Variants in PPP1R12B observed in about 807,000 individuals in gnomAD.
PPP1R12B encodes the protein protein phosphatase 1 regulatory subunit 12B.
PPP1R12B carries 76 observed loss-of-function variants against 126.1 expected under a neutral mutation model. The observed-to-expected ratio is 0.60, with a 90% CI of 0.50 to 0.73. The LOEUF (loss-of-function observed/expected upper bound fraction) is 0.73. Among genes scored for constraint, PPP1R12B ranks in the 30% least tolerant of loss-of-function variants. The probability of loss-of-function intolerance (pLI) is 0.00; values close to 1 mark genes in which losing one functional copy is unlikely to be tolerated. For synonymous variants in PPP1R12B, 356 were observed against 434.7 expected (o/e 0.82, Z 2.25); for missense variants, 1,052 against 1,205.1 (o/e 0.87, Z 1.88).
chr1:202,378,748 G>A (rs1156425695), intron 1 of PPP1R12B, among the ~76,000 whole-genome samples: 1 of 152,142 alleles, frequency 6.6e-6, no homozygotes, highest in Non-Finnish European at 1.5e-5. Context: ...AAAGTGCTGG[G>A]ATTATAGGCA....
At chr1:202,497,855 G>A (rs1679755731) in intron 18 of PPP1R12B, among the ~76,000 whole-genome samples, 1 of 152,154 alleles carries the variant, frequency 6.6e-6, no homozygotes, top group Non-Finnish European at 1.5e-5. Context: ...CAAGGGGCTT[G>A]GAAAGGCTTT....
intron 13 of PPP1R12B, among the ~76,000 whole-genome samples, chr1:202,457,975 T>A (rs1486461283): frequency 6.6e-6 from 1 of 152,012 alleles, no homozygotes; most frequent in Admixed American, 6.5e-5. Flanking sequence ...GCTAAATGAA[T>A]TTGGGAACAA....
intron 13 of PPP1R12B, among the ~76,000 whole-genome samples, chr1:202,453,463 G>C (rs2148731532): frequency 6.6e-6 from 1 of 152,168 alleles, no homozygotes; most frequent in Admixed American, 6.5e-5. Context: ...CATCAGATAA[G>C]TTTGGAAGTA....
At chr1:202,475,627 G>A (rs910162519) in intron 13 of PPP1R12B, among the ~76,000 whole-genome samples, 7 of 152,120 alleles carry the variant, frequency 4.6e-5, no homozygotes, top group Admixed American at 1.3e-4. Flanking sequence ...GGTATATAAC[G>A]TTGTTACTTG....
At chr1:202,558,241 C>T (rs1687154616) in intron 18 of PPP1R12B, among the ~76,000 whole-genome samples, 1 of 151,350 alleles carries the variant, frequency 6.6e-6, no homozygotes, top group Non-Finnish European at 1.5e-5. Flanking sequence ...TTACAATGAC[C>T]AAGCTTACTG....
chr1:202,531,371 T>G (rs1255753667), intron 18 of PPP1R12B, among the ~76,000 whole-genome samples: 1 of 151,986 alleles, frequency 6.6e-6, no homozygotes, highest in East Asian at 1.9e-4. Context: ...TATGGAAGAG[T>G]AGGGCTTGAT....
chr1:202,352,898 G>GAAAAAT (rs1553260474), intron 1 of PPP1R12B, among the ~76,000 whole-genome samples: 4 of 143,950 alleles, frequency 2.8e-5, no homozygotes, highest in Non-Finnish European at 6.1e-5. Context: ...AAAAAAAAAA[G>GAAAAAT]AAAAAAGAAA....
At chr1:202,569,239 A>C (rs1407897799) in intron 23 of PPP1R12B, 42 bp downstream of exon 23, 1 of 1,574,706 alleles carries the variant, frequency 6.4e-7, no homozygotes, top group Non-Finnish European at 8.7e-7. Context: ...CTGTTCTCTG[A>C]ATGCCTGCCA....
intron 18 of PPP1R12B, among the ~76,000 whole-genome samples, chr1:202,531,550 A>T (rs74852889): frequency 0.014 from 2,188 of 152,298 alleles, 65 homozygotes; most frequent in African/African-American, 0.051. Flanking sequence ...GAAAAGTATC[A>T]GTTGAAAATA....
At chr1:202,362,382 T>A (rs17438212) in intron 1 of PPP1R12B, among the ~76,000 whole-genome samples, 2 of 152,172 alleles carry the variant, frequency 1.3e-5, no homozygotes, top group Non-Finnish European at 2.9e-5. Flanking sequence ...CCAGGATTCC[T>A]TCCATCTGTT....
chr1:202,514,980 A>C (rs1317462143), intron 18 of PPP1R12B, among the ~76,000 whole-genome samples: 2 of 152,266 alleles, frequency 1.3e-5, no homozygotes, highest in Non-Finnish European at 2.9e-5. Context: ...GAGTGAGATC[A>C]TGTCTTTTGT....
At chr1:202,526,730 G>A (rs1683388209) in intron 18 of PPP1R12B, among the ~76,000 whole-genome samples, 1 of 152,140 alleles carries the variant, frequency 6.6e-6, no homozygotes, top group South Asian at 2.1e-4. Flanking sequence ...GATACGATGT[G>A]GAGATACAGA....
At chr1:202,544,465 G>C (rs1249675692) in intron 18 of PPP1R12B, among the ~76,000 whole-genome samples, 1 of 151,956 alleles carries the variant, frequency 6.6e-6, no homozygotes, top group African/African-American at 2.4e-5. Flanking sequence ...TTCAATGCAG[G>C]GTATATTTAA....
chr1:202,442,585 A>G lies in PPP1R12B; in HGVS notation c.1667+13A>G. ...CTTACTTGAAAAGGTACCAGGCTCA[A>G]AGGGGGTGGGAGATGTTTCTTTCAC... is the stretch of plus-strand genomic sequence containing the variant. On this transcript the variant is annotated intron_variant, in intron 12 of 23. Transcript: ENST00000608999. 1 of 1,605,382 alleles carries G rather than the reference A, an allele frequency of 6.2e-7. No individual in the cohort carries two copies. The highest frequency in any genetic ancestry group is 8.5e-7 in the Non-Finnish European group (1 of 1,175,522).
chr1:202,511,159 G>T (rs1681447825), intron 18 of PPP1R12B, among the ~76,000 whole-genome samples: 1 of 149,938 alleles, frequency 6.7e-6, no homozygotes, highest in Non-Finnish European at 1.5e-5. Context: ...TTCTTTGATG[G>T]CGATTTCTGA....
chr1:202,385,917 T>A (rs960573197), intron 1 of PPP1R12B, among the ~76,000 whole-genome samples: 14 of 152,028 alleles, frequency 9.2e-5, no homozygotes, highest in Non-Finnish European at 1.3e-4. Flanking sequence ...TGCAAGTGCC[T>A]CAAGAGCTAT....
At chr1:202,455,660 T>A (rs1673538110) in intron 13 of PPP1R12B, among the ~76,000 whole-genome samples, 1 of 152,210 alleles carries the variant, frequency 6.6e-6, no homozygotes, top group Non-Finnish European at 1.5e-5. Flanking sequence ...TTATTATGAA[T>A]AATGTTACCA....
chr1:202,426,892 A>C, intron 4 of PPP1R12B, 148 bp from the exon 5 acceptor site: 2 of 1,167,318 alleles, frequency 1.7e-6, no homozygotes, highest in Non-Finnish European at 2.3e-6. Context: ...TAACTATGAA[A>C]CCCAAACTGT....
At chr1:202,569,254 T>C in intron 23 of PPP1R12B, 57 bp downstream of exon 23, 2 of 1,543,650 alleles carry the variant, frequency 1.3e-6, no homozygotes, top group Non-Finnish European at 1.8e-6. Context: ...CTGCCAAGAC[T>C]GGATATTTGA....
Sources: allele counts gnomAD v4.1 joint callset (sites outside exome capture counted in the v4.1 genomes callset), GRCh38; gene constraint gnomAD v4.1.1; transcripts MANE v1.5; gene names NCBI Gene and HGNC (gene_info 2026-07-23, HGNC 2026-07-21).